Variants in OSBPL6 observed in about 807,000 individuals in gnomAD.
The protein encoded by OSBPL6 is oxysterol-binding protein-related protein 6.
OSBPL6 carries 49 observed loss-of-function variants against 125.8 expected under a neutral mutation model. The ratio of observed to expected loss-of-function variants is 0.39; its 90% CI spans 0.31 to 0.49. The LOEUF (loss-of-function observed/expected upper bound fraction) is 0.49, where lower values mean the gene tolerates loss of function less well. Among genes scored for constraint, OSBPL6 ranks in the 20% least tolerant of loss-of-function variants. OSBPL6 has a pLI of 0.88. For missense variants in OSBPL6, 986 were observed against 1,135.4 expected (o/e 0.87, Z 1.89); for synonymous variants, 394 against 391.8 (o/e 1.01, Z -0.07).
At chr2:178,258,302 T>C (rs1009728282) in intron 1 of OSBPL6, among the ~76,000 whole-genome samples, 1 of 151,828 alleles carries the variant, frequency 6.6e-6, no homozygotes, top group African/African-American at 2.4e-5. Flanking sequence ...AGTTTTGCCA[T>C]GTTGGCTGGT....
intron 1 of OSBPL6, among the ~76,000 whole-genome samples, chr2:178,272,321 G>T (rs1037305464): frequency 6.6e-6 from 1 of 152,188 alleles, no homozygotes; most frequent in Non-Finnish European, 1.5e-5. Flanking sequence ...TGGGGGTTCT[G>T]TTATGTATCA....
intron 1 of OSBPL6, among the ~76,000 whole-genome samples, chr2:178,253,167 G>A (rs1237039624): frequency 1.3e-5 from 2 of 151,860 alleles, no homozygotes; most frequent in African/African-American, 4.8e-5. Context: ...GATTACAGGC[G>A]CCCACCACCA....
chr2:178,227,916 TTTCTC>T (rs1177369380), intron 1 of OSBPL6, among the ~76,000 whole-genome samples: 1 of 152,170 alleles, frequency 6.6e-6, no homozygotes, highest in Non-Finnish European at 1.5e-5. Flanking sequence ...ATTTTTGTGT[TTTCTC>T]TATGAAGCAT....
Position 178,399,876 on chromosome 2 carries a change from A to G in OSBPL6, c.*4317A>G, listed in dbSNP as rs1696054025. 1.3e-5 allele frequency: 2 copies of G among 152,204 alleles called. No individual in the cohort carries two copies. The highest frequency in any genetic ancestry group is 2.9e-5 in the Non-Finnish European group (2 of 68,032). The allele number at this position is 152,204 out of a possible 1,614,324, so 9.4% of individuals were successfully genotyped here. ...ACTATTAATTTTTCATGGATTACAT[A>G]TTACCATATGACCCCATAAATACAT... On this transcript the variant is annotated 3_prime_UTR_variant, in exon 25 of 25. Transcript: ENST00000190611.
At position 178,364,788 on chromosome 2, in the gene OSBPL6, C is replaced by A. The variant is rs7567654; in HGVS notation, c.1287+2973C>A. Among the ~76,000 whole-genome samples, 1,148 of 152,238 alleles carry A rather than the reference C, an allele frequency of 7.5e-3. 17 individuals carry two copies. Among genetic ancestry groups the A allele is most frequent in the African/African-American group, 0.026 (1,099 of 41,518 alleles). On this transcript the variant is annotated intron_variant, in intron 13 of 24. Coordinates refer to ENST00000190611, the MANE Select transcript of OSBPL6 (RefSeq NM_032523.4). ...TCTAGGCTAGAGAGGAAGATGGATG[C>A]CCCTGCATATCAGGGCAGTTATAGA...
rs5836646 is a variant in OSBPL6, at chr2:178,197,031, A to ATT, written c.-351+2370_-351+2371dup. 6.6e-3 allele frequency among the ~76,000 whole-genome samples: 934 copies of ATT among 140,904 alleles called. 8 individuals carry two copies. Among genetic ancestry groups the ATT allele is most frequent in the African/African-American group, 0.014 (522 of 38,328 alleles). 92.4% of individuals were successfully genotyped at this position (140,904 alleles called of 152,430 possible). A position where few individuals can be genotyped will look rare whatever the true frequency, so the allele number is the denominator to read the frequency against. ...TGTTTCTCTTTTCTCCTCTCTGACC[A>ATT]TTTTTTTTTTTTTTGAGATATTGCA... On this transcript the variant is annotated intron_variant, in intron 1 of 24. Transcript: ENST00000190611.
chr2:178,236,212 A>T (rs971821399), intron 1 of OSBPL6, among the ~76,000 whole-genome samples: 2 of 152,174 alleles, frequency 1.3e-5, no homozygotes, highest in Non-Finnish European at 2.9e-5. Context: ...AAATACTCTT[A>T]TATCTTAATC....
chr2:178,357,582 CA>C (rs1691920994), intron 12 of OSBPL6, among the ~76,000 whole-genome samples: 1 of 152,134 alleles, frequency 6.6e-6, no homozygotes, highest in African/African-American at 2.4e-5. Flanking sequence ...AGTCAGGAAA[CA>C]GCAGGTTCTG....
In OSBPL6 at chr2:178,389,125, T is replaced by G. The variant is rs762449293; in HGVS notation, c.2273T>G (p.Val758Gly). 1.2e-6 allele frequency: 2 copies of G among 1,613,822 alleles called. No individual in the cohort carries two copies. Among genetic ancestry groups the G allele is most frequent in the East Asian group, 4.5e-5 (2 of 44,838 alleles). The change falls in exon 21 of 25, where the codon GTT becomes GGT. Residue 758 changes from valine to glycine, a missense_variant. Transcript: ENST00000190611. The stretch of plus-strand genomic sequence containing the variant: ...ACCATCAGAAATACCAAAAGCAGTG[T>G]TTGCATTTGCAAACTCACATTTGTC... ...EVTIRNTKSS[V>G]CICKLTFVKV...
intron 3 of OSBPL6, among the ~76,000 whole-genome samples, chr2:178,318,196 A>T (rs1687934366): frequency 6.6e-6 from 1 of 152,168 alleles, no homozygotes; most frequent in South Asian, 2.1e-4. Flanking sequence ...GGACCACTTG[A>T]TGGGTCCACA....
intron 1 of OSBPL6, among the ~76,000 whole-genome samples, chr2:178,270,557 C>T (rs927102256): frequency 6.6e-6 from 1 of 152,174 alleles, no homozygotes; most frequent in Admixed American, 6.5e-5. Context: ...AGACACGGGG[C>T]TCTTAGCCAC....
At chr2:178,340,329 G>A (rs890044719) in intron 11 of OSBPL6, among the ~76,000 whole-genome samples, 4 of 151,946 alleles carry the variant, frequency 2.6e-5, no homozygotes, top group South Asian at 2.1e-4. Flanking sequence ...AATAAGCTCT[G>A]AATTATCTTT....
chr2:178,379,149 G>A (rs1694169028), intron 15 of OSBPL6, among the ~76,000 whole-genome samples: 1 of 151,534 alleles, frequency 6.6e-6, no homozygotes. Flanking sequence ...TCCAGCCTCG[G>A]TGACAGAAAG....
chr2:178,233,947 C>T (rs334043), intron 1 of OSBPL6, among the ~76,000 whole-genome samples: 72,743 of 151,988 alleles, frequency 0.48, 21,641 homozygotes, highest in African/African-American at 0.85. Flanking sequence ...TCATGCTTTA[C>T]ATATTGAGAC....
At chr2:178,325,068 A>G (rs898278821) in intron 4 of OSBPL6, among the ~76,000 whole-genome samples, 4 of 152,162 alleles carry the variant, frequency 2.6e-5, no homozygotes, top group African/African-American at 9.7e-5. Flanking sequence ...TCTTCCTCAG[A>G]CTGGGGAAAA....
rs1317250693 is a variant in OSBPL6 at position 178,396,459 on chromosome 2, A to G, written c.*900A>G. ...GGAAAAATCTGTCTTTGATTTGGAC[A>G]TTTGGTCATCAGTGTTAAAACCTTA... is the stretch of plus-strand genomic sequence containing the variant. On this transcript the variant is annotated 3_prime_UTR_variant, in exon 25 of 25. Coordinates refer to ENST00000190611, the MANE Select transcript of OSBPL6 (RefSeq NM_032523.4). The G allele has an allele frequency of 1.3e-5, 2 of 152,236 alleles. No individual in the cohort carries two copies. The highest frequency in any genetic ancestry group is 6.5e-5 in the Admixed American group (1 of 15,272). 9.4% of individuals were successfully genotyped at this position (152,236 alleles called of 1,614,324 possible).
chr2:178,306,533 C>T (rs991119415), intron 3 of OSBPL6, among the ~76,000 whole-genome samples: 3 of 152,118 alleles, frequency 2.0e-5, no homozygotes, highest in African/African-American at 4.8e-5. Flanking sequence ...GAAGCCCTGC[C>T]GTCTTTTCCT....
At chr2:178,347,739 C>T (rs939183720) in intron 11 of OSBPL6, among the ~76,000 whole-genome samples, 2 of 152,190 alleles carry the variant, frequency 1.3e-5, no homozygotes, top group African/African-American at 4.8e-5. Flanking sequence ...CAGAAATTTT[C>T]AGCCTGATAA....
rs138864569 is a variant in OSBPL6 at position 178,229,640 on chromosome 2, G to A, written c.-351+34966G>A. Among the ~76,000 whole-genome samples, 892 of 152,192 alleles carry A rather than the reference G, an allele frequency of 5.9e-3. 8 individuals are homozygous for A. Among genetic ancestry groups the A allele is most frequent in the African/African-American group, 0.02 (850 of 41,526 alleles). ...AGCTCAGGAGTTTGTGACTGGCCCCGGCAACATGGCGAAAACTCATCTCTA... is the reference window on the plus strand; with the variant it reads ...AGCTCAGGAGTTTGTGACTGGCCCCAGCAACATGGCGAAAACTCATCTCTA... On this transcript the variant is annotated intron_variant, in intron 1 of 24. Transcript: ENST00000190611.
Sources: gnomAD v4.1 joint callset for allele counts (sites outside exome capture counted in the v4.1 genomes callset) on GRCh38, gnomAD v4.1.1 for gene constraint, MANE v1.5 for transcripts, NCBI Gene and HGNC (gene_info 2026-07-23, HGNC 2026-07-21) for gene names.